TRAK1: variants seen among roughly 807,000 people sequenced by gnomAD.
TRAK1 encodes the protein trafficking kinesin-binding protein 1.
In TRAK1, 33 loss-of-function variants were observed where a neutral mutation model predicts 92.1. That is an observed-to-expected ratio of 0.36 (90% CI 0.27 to 0.48). The LOEUF is 0.48. Among genes scored for constraint, TRAK1 ranks in the 20% least tolerant of loss-of-function variants. The pLI is 0.99. For missense variants in TRAK1, 1,123 were observed against 1,257.9 expected, an observed-to-expected ratio of 0.89 and a Z score of 1.62; for synonymous variants, 521 against 517.3, an observed-to-expected ratio of 1.01 and a Z score of -0.10.
intron 1 of TRAK1, among the ~76,000 whole-genome samples, chr3:42,041,014 T>C (rs1702519096): frequency 6.6e-6 from 1 of 151,966 alleles, no homozygotes; most frequent in Admixed American, 6.6e-5. Context: ...TAGTAGGTTT[T>C]GAAATTAGAC....
chr3:42,120,226 T>G (rs951765274), intron 1 of TRAK1, among the ~76,000 whole-genome samples: 2 of 152,112 alleles, frequency 1.3e-5, no homozygotes, highest in Non-Finnish European at 2.9e-5. Context: ...GGTGGGATTT[T>G]GGGCTGTTGT....
intron 1 of TRAK1, among the ~76,000 whole-genome samples, chr3:42,054,351 T>C (rs1410385423): frequency 6.6e-6 from 1 of 152,138 alleles, no homozygotes; most frequent in Non-Finnish European, 1.5e-5. Context: ...CCCAGCCTGG[T>C]AGGCAGAGGC....
chr3:42,145,912 T>A, intron 2 of TRAK1: 1 of 241,090 alleles, frequency 4.1e-6, no homozygotes. Flanking sequence ...CCTAGATTAA[T>A]GGCAGCCAGT....
intron 1 of TRAK1, among the ~76,000 whole-genome samples, chr3:42,014,771 TGA>T (rs1176899945): frequency 6.6e-6 from 1 of 151,814 alleles, no homozygotes. Context: ...GCGTCCGCTT[TGA>T]GAGCCTTCAG....
intron 2 of TRAK1, among the ~76,000 whole-genome samples, chr3:42,172,155 T>C (rs1702648092): frequency 1.3e-5 from 2 of 152,122 alleles, no homozygotes. Flanking sequence ...ATCTCCCTCC[T>C]CCAGCTCCTA....
chr3:42,022,737 A>C (rs7428523), intron 1 of TRAK1, among the ~76,000 whole-genome samples: 9 of 150,542 alleles, frequency 6.0e-5, no homozygotes, highest in East Asian at 1.9e-4. Flanking sequence ...AAAAAAAACA[A>C]AAACAAAAAA....
chr3:42,110,606 C>T (rs1708258453), intron 1 of TRAK1, among the ~76,000 whole-genome samples: 1 of 152,192 alleles, frequency 6.6e-6, no homozygotes, highest in South Asian at 2.1e-4. Flanking sequence ...GTTGTCCTGG[C>T]TGAGCCCCTT....
intron 1 of TRAK1, among the ~76,000 whole-genome samples, chr3:42,110,300 G>T (rs1256088181): frequency 6.6e-6 from 1 of 151,516 alleles, no homozygotes; most frequent in Non-Finnish European, 1.5e-5. Context: ...AAGGCTGTGG[G>T]GTGTGTATGT....
upstream of TRAK1, among the ~76,000 whole-genome samples, chr3:42,082,598 AAAAC>A (rs201028477): frequency 0.021 from 3,199 of 152,096 alleles, 123 homozygotes; most frequent in African/African-American, 0.073. Flanking sequence ...CCTGTCTCAA[AAAAC>A]AAACAAACAA....
chr3:42,224,406 C>CTT lies in TRAK1; in HGVS notation c.*669_*670insTT, dbSNP rs1710630186. 1 of 251,674 alleles carries CTT rather than the reference C, an allele frequency of 4.0e-6. No homozygotes were observed. 15.6% of individuals were successfully genotyped at this position (251,674 alleles called of 1,614,324 possible). A position where few individuals can be genotyped will look rare whatever the true frequency, so the allele number is the denominator to read the frequency against. ...CTGTGTTTTGTAATCAGCTGTCAGGCCAAATGTCTGACCCGAAAGAGAATG... is the reference window on the plus strand; with the variant it reads ...CTGTGTTTTGTAATCAGCTGTCAGGCTTCAAATGTCTGACCCGAAAGAGAATG... On this transcript the variant is annotated 3_prime_UTR_variant, in exon 16 of 16. Coordinates refer to ENST00000327628, the MANE Select transcript of TRAK1 (RefSeq NM_001042646.3).
intron 1 of TRAK1, among the ~76,000 whole-genome samples, chr3:42,018,326 T>G (rs183183653): frequency 2.6e-5 from 4 of 152,056 alleles, no homozygotes; most frequent in Non-Finnish European, 5.9e-5. Flanking sequence ...AAATGTACCT[T>G]GTTTTCCCTG....
intron 2 of TRAK1, among the ~76,000 whole-genome samples, chr3:42,150,133 A>G (rs74329291): frequency 1.3e-5 from 2 of 152,156 alleles, no homozygotes; most frequent in African/African-American, 4.8e-5. Context: ...GGGTGATTCA[A>G]ATGAAGTTTG....
intron 1 of TRAK1, among the ~76,000 whole-genome samples, chr3:42,080,218 T>C (rs1049456479): frequency 6.6e-6 from 1 of 152,178 alleles, no homozygotes; most frequent in Non-Finnish European, 1.5e-5. Flanking sequence ...TTGAGTTCAG[T>C]AGCAAACTGG....
At chr3:42,056,234 T>C (rs1183209892) in intron 1 of TRAK1, among the ~76,000 whole-genome samples, 4 of 152,012 alleles carry the variant, frequency 2.6e-5, no homozygotes, top group Non-Finnish European at 4.4e-5. Flanking sequence ...GGTAACTCTG[T>C]ATTTAACATT....
intron 1 of TRAK1, among the ~76,000 whole-genome samples, chr3:42,093,085 G>T (rs1397779146): frequency 2.0e-5 from 3 of 151,752 alleles, no homozygotes; most frequent in Admixed American, 6.6e-5. Context: ...CTTTTATTTG[G>T]CTATATTAAT....
intron 14 of TRAK1, chr3:42,218,072 C>A (rs915306442): frequency 3.0e-6 from 3 of 985,184 alleles, no homozygotes; most frequent in Non-Finnish European, 3.6e-6. Flanking sequence ...CACACAGACC[C>A]GAGTCAGACC....
chr3:42,200,817 G>T lies in TRAK1; in HGVS notation c.1191-1G>T. The T allele has an allele frequency of 6.2e-7, 1 of 1,614,122 alleles. No individual in the cohort carries two copies. The highest frequency in any genetic ancestry group is 8.5e-7 in the Non-Finnish European group (1 of 1,180,012). ...TCACGGATGCCGTGCATTCTCCCTAGTCACCAGAAGCGTGTCTTTGAGACA... is the reference window on the plus strand; with the variant it reads ...TCACGGATGCCGTGCATTCTCCCTATTCACCAGAAGCGTGTCTTTGAGACA... On this transcript the variant is annotated splice_acceptor_variant, in intron 11 of 15. Transcript: ENST00000327628. LOFTEE classifies it high-confidence loss of function.
chr3:42,218,873 T>TAG, intron 14 of TRAK1: 1 of 985,392 alleles, frequency 1.0e-6, no homozygotes, highest in Middle Eastern at 5.2e-4. Flanking sequence ...CTCAGGACCC[T>TAG]AGAGAGCCCT....
At chr3:42,193,259 G>A (rs756913168) in intron 8 of TRAK1, 54 bp downstream of exon 8, 404 of 1,601,830 alleles carry the variant, frequency 2.5e-4, no homozygotes, top group Non-Finnish European at 3.2e-4. Context: ...CTGAGACGGG[G>A]AAGGGACATT....
Sources: gnomAD v4.1 joint callset for allele counts (sites outside exome capture counted in the v4.1 genomes callset) on GRCh38, gnomAD v4.1.1 for gene constraint, MANE v1.5 for transcripts, NCBI Gene and HGNC (gene_info 2026-07-23, HGNC 2026-07-21) for gene names.